TAF5L: variants seen among roughly 807,000 people sequenced by gnomAD.
The protein encoded by TAF5L is TATA-box binding protein associated factor 5 like.
In TAF5L, 7 loss-of-function variants were observed where a neutral mutation model predicts 51.3. That is an observed-to-expected ratio of 0.14 (90% CI 0.08 to 0.26). TAF5L has a LOEUF of 0.26. TAF5L is among the 10% of genes least tolerant of loss of function. The pLI, the probability that TAF5L is intolerant of heterozygous loss-of-function variation, is 1.00. For missense variants in TAF5L, 575 were observed against 758.9 expected (o/e 0.76, Z 2.85); for synonymous variants, 291 against 308.1 (o/e 0.94, Z 0.58).
At chr1:229,616,878 A>C (rs1261594940) in intron 1 of TAF5L, among the ~76,000 whole-genome samples, 1 of 152,220 alleles carries the variant, frequency 6.6e-6, no homozygotes, top group East Asian at 1.9e-4. Flanking sequence ...GTTGCCAAAG[A>C]GTTCAAAATA....
chr1:229,600,779 G>A, intron 4 of TAF5L: 1 of 985,422 alleles, frequency 1.0e-6, no homozygotes, highest in South Asian at 4.7e-5. Context: ...GTTACCAGTA[G>A]TGGCCAGAGT....
At chr1:229,599,160 C>CT (rs1664265755) in intron 4 of TAF5L, 8 of 701,716 alleles carry the variant, frequency 1.1e-5, no homozygotes, top group Middle Eastern at 7.2e-4. Context: ...CCTAGATGAT[C>CT]TTTAAGTGGG....
chr1:229,606,189 G>C (rs1664590630), intron 3 of TAF5L: 1 of 985,160 alleles, frequency 1.0e-6, no homozygotes, highest in African/African-American at 1.7e-5. Context: ...GAAGAGAACA[G>C]TATGCTGGGT....
At chr1:229,603,343 GTGA>G (rs1458942856) in intron 3 of TAF5L, among the ~76,000 whole-genome samples, 15 of 152,170 alleles carry the variant, frequency 9.9e-5, no homozygotes, top group African/African-American at 2.2e-4. Context: ...ATTTTTTAAT[GTGA>G]TGATAATATA....
In TAF5L at chr1:229,602,778, T is replaced by C. The variant is rs768616155; in HGVS notation, c.389A>G (p.Asn130Ser). The change falls in exon 4 of 5, where the codon AAT (asparagine) becomes AGT (serine). Residue 130 changes from asparagine (N) to serine (S), a missense_variant. Physicochemically the swap from Asn to Ser is conservative, Grantham distance 46. Transcript: ENST00000258281. This position sits in a 1 kb window ranked among gnomAD's most constrained non-coding sequence, Gnocchi z 4.6. The stretch of plus-strand genomic sequence containing the variant: ...CTCAATGACATCCTTCTGGCTAGCA[T>C]TCTGCAGAAACATTCCATGGAAGCG... 3 of 1,614,150 alleles carry C rather than the reference T, an allele frequency of 1.9e-6. No homozygotes were observed. The highest frequency in any genetic ancestry group is 2.5e-6 in the Non-Finnish European group (3 of 1,180,040).
chr1:229,606,841 T>C (rs1207119473), intron 3 of TAF5L: 1 of 985,384 alleles, frequency 1.0e-6, no homozygotes, highest in Non-Finnish European at 1.2e-6. Context: ...CCTACGGCAA[T>C]AGGTGAGCTC....
At chr1:229,598,639 A>C (rs1664223755) in intron 4 of TAF5L, among the ~76,000 whole-genome samples, 1 of 152,028 alleles carries the variant, frequency 6.6e-6, no homozygotes. Flanking sequence ...ATGTTGCTCA[A>C]ATATTAAAAA....
chr1:229,608,395 T>TA (rs1321340473), intron 3 of TAF5L, among the ~76,000 whole-genome samples: 1 of 152,080 alleles, frequency 6.6e-6, no homozygotes, highest in Non-Finnish European at 1.5e-5. Flanking sequence ...ATGACTCTAT[T>TA]ATGTTTGAAA....
At chr1:229,595,244 C>T in intron 4 of TAF5L, 150 bp from the exon 5 acceptor site, 1 of 769,776 alleles carries the variant, frequency 1.3e-6, no homozygotes, top group Non-Finnish European at 2.0e-6. Flanking sequence ...TGGCCTTGCC[C>T]TTGAACGCTA....
chr1:229,609,712 C>T (rs1055461639), intron 3 of TAF5L, among the ~76,000 whole-genome samples: 7 of 152,168 alleles, frequency 4.6e-5, no homozygotes, highest in Non-Finnish European at 8.8e-5. Context: ...TTCAAATGTG[C>T]TGTATTTAAG....
intron 1 of TAF5L, 39 bp from the exon 2 acceptor site, chr1:229,614,524 G>T (rs545387398): frequency 6.2e-7 from 1 of 1,606,464 alleles, no homozygotes; most frequent in African/African-American, 1.3e-5. Flanking sequence ...AGACATCAGG[G>T]GCCTGGGAGA....
intron 1 of TAF5L, among the ~76,000 whole-genome samples, chr1:229,618,733 C>T (rs1028435271): frequency 2.6e-5 from 4 of 152,168 alleles, no homozygotes; most frequent in Non-Finnish European, 5.9e-5. Context: ...AGTGGTTACA[C>T]GCTGCATCCT....
chr1:229,596,609 C>T (rs1362057657), intron 4 of TAF5L, among the ~76,000 whole-genome samples: 1 of 152,186 alleles, frequency 6.6e-6, no homozygotes, highest in Non-Finnish European at 1.5e-5. Flanking sequence ...ACAGAAAAGA[C>T]GGCAACTAAT....
At chr1:229,601,137 A>G in intron 4 of TAF5L, 1 of 985,456 alleles carries the variant, frequency 1.0e-6, no homozygotes, top group South Asian at 4.7e-5. Context: ...AAATCCTTCA[A>G]TTATACTGTC....
chr1:229,603,764 G>C (rs1194457823), intron 3 of TAF5L, among the ~76,000 whole-genome samples: 2 of 152,238 alleles, frequency 1.3e-5, no homozygotes, highest in Non-Finnish European at 2.9e-5. Flanking sequence ...ATTCATGGGT[G>C]AATGAGAAAA....
chr1:229,608,189 G>C (rs1056858628), intron 3 of TAF5L, among the ~76,000 whole-genome samples: 1 of 152,052 alleles, frequency 6.6e-6, no homozygotes, highest in Non-Finnish European at 1.5e-5. Flanking sequence ...TTAAAGCAAA[G>C]AATCTATATT....
chr1:229,595,198 C>T, intron 4 of TAF5L, 104 bp from the exon 5 acceptor site: 1 of 1,233,094 alleles, frequency 8.1e-7, no homozygotes, highest in Non-Finnish European at 1.1e-6. Context: ...AGAACTGAGA[C>T]TGCTTGGGAA....
chr1:229,606,250 A>G (rs1453729428), intron 3 of TAF5L: 20 of 918,944 alleles, frequency 2.2e-5, no homozygotes, highest in Non-Finnish European at 2.2e-5. Flanking sequence ...TCAGAATTCT[A>G]ACTCCCATTT....
chr1:229,611,621 C>T (rs1235294177), intron 2 of TAF5L, among the ~76,000 whole-genome samples: 1 of 152,148 alleles, frequency 6.6e-6, no homozygotes, highest in Admixed American at 6.5e-5. Context: ...GTTACTCTGT[C>T]ACTAAGTCCT....
Sources: allele counts gnomAD v4.1 joint callset (sites outside exome capture counted in the v4.1 genomes callset), GRCh38; gene constraint gnomAD v4.1.1; non-coding constraint Gnocchi (gnomAD v3.1); transcripts MANE v1.5; gene names NCBI Gene and HGNC (gene_info 2026-07-23, HGNC 2026-07-21).